Variants in CES5A observed in about 807,000 individuals in gnomAD.
CES5A encodes the protein carboxylesterase 5.
CES5A carries 67 observed loss-of-function variants against 62.9 expected under a neutral mutation model. The ratio of observed to expected loss-of-function variants is 1.07; its 90% CI spans 0.88 to 1.31. The LOEUF (loss-of-function observed/expected upper bound fraction) is 1.31, where lower values mean the gene tolerates loss of function less well. CES5A is among the 50% of genes most tolerant of loss of function. The pLI, the probability that CES5A is intolerant of heterozygous loss-of-function variation, is 0.00. For missense variants in CES5A, 748 were observed against 708.5 expected (o/e 1.06, Z -0.63); for synonymous variants, 296 against 280.8 (o/e 1.05, Z -0.54).
intron 2 of CES5A, among the ~76,000 whole-genome samples, chr16:55,937,483 G>A (rs1462777615): frequency 6.6e-6 from 1 of 152,060 alleles, no homozygotes; most frequent in African/African-American, 2.4e-5. Context: ...GCATGCTTCT[G>A]GTTGCGTTCT....
intron 9 of CES5A, 49 bp downstream of exon 9, chr16:55,856,328 T>C (rs1217541478): frequency 2.6e-6 from 4 of 1,559,110 alleles, no homozygotes; most frequent in Non-Finnish European, 3.5e-6. Flanking sequence ...TAGGGCTATC[T>C]GTTAAGTGCA....
chr16:55,909,439 A>C (rs2034070206), intron 1 of CES5A, among the ~76,000 whole-genome samples: 1 of 152,266 alleles, frequency 6.6e-6, no homozygotes, highest in African/African-American at 2.4e-5. Flanking sequence ...GACTGCAGTT[A>C]GACACCAAGG....
At chr16:55,944,131 C>G in intron 2 of CES5A, 1 of 701,892 alleles carries the variant, frequency 1.4e-6, no homozygotes, top group Non-Finnish European at 2.6e-6. Flanking sequence ...ATCTGACAAC[C>G]TCTCTGTATT....
intron 1 of CES5A, among the ~76,000 whole-genome samples, chr16:55,924,171 A>G (rs562812002): frequency 9.9e-5 from 15 of 151,946 alleles, no homozygotes; most frequent in Non-Finnish European, 1.9e-4. Flanking sequence ...GAAAACCTAA[A>G]GAATACACAC....
At chr16:55,947,577 T>C (rs967024149) in intron 2 of CES5A, among the ~76,000 whole-genome samples, 1 of 151,950 alleles carries the variant, frequency 6.6e-6, no homozygotes, top group African/African-American at 2.4e-5. Context: ...TGGTGATAAG[T>C]GTTATGAGAA....
At chr16:55,866,200 G>A in intron 4 of CES5A, 84 bp from the exon 5 acceptor site, 1 of 1,414,550 alleles carries the variant, frequency 7.1e-7, no homozygotes. Context: ...AGAGGCTGTG[G>A]GCAGGGGTCA....
At chr16:55,938,751 A>T (rs1239671689) in intron 2 of CES5A, among the ~76,000 whole-genome samples, 1 of 74,286 alleles carries the variant, frequency 1.3e-5, no homozygotes, top group African/African-American at 6.0e-5. Flanking sequence ...AAAAAAAAAA[A>T]AAAAAAAAAA....
chr16:55,872,178 C>A (rs12596946), intron 2 of CES5A, among the ~76,000 whole-genome samples: 69,655 of 151,570 alleles, frequency 0.46, 18,754 homozygotes, highest in Non-Finnish European at 0.6. Flanking sequence ...TCCCCAGATG[C>A]GCAAAGGAAC....
At position 55,881,344 on chromosome 16, in the gene CES5A, T is replaced by C. The variant is rs1333541610; in HGVS notation, c.-255-7307A>G. On this transcript the variant is annotated intron_variant, in intron 1 of 12. Coordinates refer to the CES5A transcript ENST00000518005. ...ATTTCCTAGTGAATGAATCGCGTGA[T>C]GTGGCTATTATGTCCTGATAGGAAC... Among the ~76,000 whole-genome samples, 6 of 152,216 alleles carry C rather than the reference T, an allele frequency of 3.9e-5. No homozygotes were observed. The East Asian group carries it at 9.6e-4, about 24-fold the overall frequency.
intron 1 of CES5A, among the ~76,000 whole-genome samples, chr16:55,904,604 C>G (rs1475112651): frequency 6.6e-6 from 1 of 152,214 alleles, no homozygotes; most frequent in African/African-American, 2.4e-5. Flanking sequence ...TACTCGTTGT[C>G]TCTCTTAATC....
At chr16:55,905,614 C>A (rs1482425957) in intron 1 of CES5A, among the ~76,000 whole-genome samples, 1 of 152,186 alleles carries the variant, frequency 6.6e-6, no homozygotes, top group East Asian at 1.9e-4. Flanking sequence ...CCTGCCTCAG[C>A]CTCCCAAAGT....
intron 1 of CES5A, among the ~76,000 whole-genome samples, chr16:55,902,334 A>C (rs1318920215): frequency 2.0e-5 from 3 of 151,570 alleles, no homozygotes; most frequent in Non-Finnish European, 2.9e-5. Context: ...GGCCATCCCC[A>C]CTCTCCCCCC....
intron 2 of CES5A, among the ~76,000 whole-genome samples, chr16:55,939,714 A>G (rs1378740196): frequency 6.6e-6 from 1 of 152,150 alleles, no homozygotes; most frequent in East Asian, 1.9e-4. Flanking sequence ...CAAAAGCAAC[A>G]TTCAATTTTT....
At chr16:55,927,080 C>T (rs143614394), upstream of CES5A, among the ~76,000 whole-genome samples, 273 of 152,210 alleles carry the variant, frequency 1.8e-3, 1 homozygote, top group African/African-American at 6.2e-3. Flanking sequence ...TCACCATATA[C>T]AGAAATTAAC....
chr16:55,924,139 G>T (rs573878968), intron 1 of CES5A, among the ~76,000 whole-genome samples: 13 of 151,956 alleles, frequency 8.6e-5, no homozygotes, highest in African/African-American at 3.1e-4. Context: ...CTTATTCACA[G>T]ATGACATGGT....
intron 1 of CES5A, among the ~76,000 whole-genome samples, chr16:55,891,246 C>T (rs1273750892): frequency 6.6e-6 from 1 of 152,186 alleles, no homozygotes; most frequent in Admixed American, 6.5e-5. Flanking sequence ...GAATAAGAAC[C>T]CCTTCCCCTC....
At chr16:55,847,303 CT>C (rs113753261) in intron 11 of CES5A, among the ~76,000 whole-genome samples, 2 of 149,888 alleles carry the variant, frequency 1.3e-5, no homozygotes, top group African/African-American at 4.9e-5. Context: ...TTCTTTCTCC[CT>C]CTCTCTCTCC....
At chr16:55,930,927 CA>C (rs1305101623) in intron 2 of CES5A, among the ~76,000 whole-genome samples, 1 of 151,724 alleles carries the variant, frequency 6.6e-6, no homozygotes, top group Non-Finnish European at 1.5e-5. Context: ...ACAAAAAAAA[CA>C]AAAAAAATTA....
chr16:55,898,787 G>A (rs922378897), intron 1 of CES5A, among the ~76,000 whole-genome samples: 2 of 152,198 alleles, frequency 1.3e-5, no homozygotes, highest in East Asian at 3.9e-4. Context: ...CATCTGACCA[G>A]GAAGACCAGG....
Sources: allele counts gnomAD v4.1 joint callset (sites outside exome capture counted in the v4.1 genomes callset), GRCh38; gene constraint gnomAD v4.1.1; transcripts MANE v1.5; gene names NCBI Gene and HGNC (gene_info 2026-07-23, HGNC 2026-07-21).